Variants in STARD13 observed in about 807,000 individuals in gnomAD.
The protein encoded by STARD13 is stAR-related lipid transfer protein 13.
In STARD13, 62 loss-of-function variants were observed where a neutral mutation model predicts 106.4. That is an observed-to-expected ratio of 0.58 (90% CI 0.48 to 0.72). The LOEUF is 0.72. STARD13 is among the 30% of genes least tolerant of loss of function. The pLI is 0.00. For synonymous variants in STARD13, 565 were observed against 553.0 expected, an observed-to-expected ratio of 1.02 and a Z score of -0.31; for missense variants, 1,387 against 1,424.0, an observed-to-expected ratio of 0.97 and a Z score of 0.42.
At chr13:33,285,860 T>G, upstream of STARD13, 2 of 1,094,486 alleles carry the variant, frequency 1.8e-6, no homozygotes, top group Non-Finnish European at 2.4e-6. Context: ...TGGGAACGTT[T>G]GCAGTCAGCC....
intron 1 of STARD13, among the ~76,000 whole-genome samples, chr13:33,220,336 A>G (rs1888286043): frequency 6.6e-6 from 1 of 152,232 alleles, no homozygotes; most frequent in African/African-American, 2.4e-5. Context: ...CTAGAGAATG[A>G]GTATCAGCTG....
rs187478446 is a variant in STARD13, at chr13:33,195,045, G to C, written c.170-27423C>G. On this transcript the variant is annotated intron_variant, in intron 1 of 13. Coordinates refer to ENST00000336934, the MANE Select transcript of STARD13 (RefSeq NM_178006.4). ...AACTTTTATGAGATTCTAGTGAACT[G>C]TGTTTTATTTATTTTCCTTTGTTCT... Among the ~76,000 whole-genome samples the C allele has an allele frequency of 1.6e-3, 237 of 152,318 alleles. 1 individual carries two copies. Among genetic ancestry groups the C allele is most frequent in the Middle Eastern group, 6.8e-3 (2 of 294 alleles).
intron 1 of STARD13, among the ~76,000 whole-genome samples, chr13:33,213,121 A>C (rs1887820787): frequency 6.6e-6 from 1 of 152,228 alleles, no homozygotes; most frequent in Non-Finnish European, 1.5e-5. Flanking sequence ...AATGAACTGT[A>C]ACAGTAATGC....
At chr13:33,222,946 C>G (rs1888434971) in intron 1 of STARD13, among the ~76,000 whole-genome samples, 1 of 152,214 alleles carries the variant, frequency 6.6e-6, no homozygotes, top group African/African-American at 2.4e-5. Flanking sequence ...TGTTGGACCA[C>G]TGGCCTGTGA....
chr13:33,656,546 A>G, the STARD13 span, among the ~76,000 whole-genome samples: 42 of 152,314 alleles, frequency 2.8e-4, no homozygotes, highest in African/African-American at 9.9e-4. Context: ...CTCGTTCCTC[A>G]TTGGTCATGT....
chr13:33,245,689 T>C (rs1195231824), intron 1 of STARD13, among the ~76,000 whole-genome samples: 2 of 152,222 alleles, frequency 1.3e-5, no homozygotes. Context: ...AGATAAGGTT[T>C]CTTCTTCAAC....
the STARD13 span, among the ~76,000 whole-genome samples, chr13:33,458,660 C>T: frequency 1.3e-5 from 2 of 152,000 alleles, no homozygotes; most frequent in African/African-American, 2.4e-5. Flanking sequence ...CCAGCAATTC[C>T]TGTTGGGAAA....
At chr13:33,645,515 A>T in the STARD13 span, among the ~76,000 whole-genome samples, 1 of 152,216 alleles carries the variant, frequency 6.6e-6, no homozygotes, top group Non-Finnish European at 1.5e-5. Flanking sequence ...GGACTCAAGG[A>T]TATACCACTT....
chr13:33,672,777 C>G, the STARD13 span, among the ~76,000 whole-genome samples: 1 of 152,180 alleles, frequency 6.6e-6, no homozygotes, highest in African/African-American at 2.4e-5. Context: ...CAATTTATCA[C>G]GTTGACCAAT....
chr13:33,376,377 G>A, the STARD13 span, among the ~76,000 whole-genome samples: 2 of 152,170 alleles, frequency 1.3e-5, no homozygotes, highest in East Asian at 1.9e-4. Context: ...GGGTACTTAC[G>A]CATTCTAGAA....
At chr13:33,578,671 A>G in the STARD13 span, among the ~76,000 whole-genome samples, 1 of 152,286 alleles carries the variant, frequency 6.6e-6, no homozygotes, top group African/African-American at 2.4e-5. Flanking sequence ...TAAACTAAAA[A>G]GCTTCTGCAC....
At chr13:33,536,162 A>G in the STARD13 span, among the ~76,000 whole-genome samples, 1 of 152,346 alleles carries the variant, frequency 6.6e-6, no homozygotes, top group South Asian at 2.1e-4. Flanking sequence ...TCAAAGGTGG[A>G]AAATAAAATG....
intron 1 of STARD13, among the ~76,000 whole-genome samples, chr13:33,184,588 C>G (rs1566058693): frequency 6.6e-6 from 1 of 152,308 alleles, no homozygotes; most frequent in African/African-American, 2.4e-5. Flanking sequence ...CTCATTACAT[C>G]TCAAAGCCTC....
intron 3 of STARD13, among the ~76,000 whole-genome samples, chr13:33,154,352 CA>C (rs1881690909): frequency 6.6e-6 from 1 of 152,136 alleles, no homozygotes; most frequent in Non-Finnish European, 1.5e-5. Context: ...CCATAAACCC[CA>C]AAAGAACTGC....
At chr13:33,301,652 C>G (rs1391479087) in intron 1 of STARD13, among the ~76,000 whole-genome samples, 1 of 148,086 alleles carries the variant, frequency 6.8e-6, no homozygotes, top group Non-Finnish European at 1.5e-5. Context: ...ACTGCAAGCT[C>G]AGCCTCCCAG....
chr13:33,456,589 C>A, the STARD13 span, among the ~76,000 whole-genome samples: 2 of 152,182 alleles, frequency 1.3e-5, no homozygotes, highest in African/African-American at 2.4e-5. Context: ...AGATGACCAC[C>A]TTTTTGCTGT....
the STARD13 span, among the ~76,000 whole-genome samples, chr13:33,452,942 C>T: frequency 6.6e-6 from 1 of 152,186 alleles, no homozygotes; most frequent in Non-Finnish European, 1.5e-5. Flanking sequence ...AAGGGTCATT[C>T]TATTACATTC....
intron 1 of STARD13, among the ~76,000 whole-genome samples, chr13:33,302,207 C>G (rs1246128228): frequency 6.6e-6 from 1 of 152,126 alleles, no homozygotes; most frequent in Non-Finnish European, 1.5e-5. Flanking sequence ...TGGCCTGGAA[C>G]TGTACTAAGA....
intron 1 of STARD13, among the ~76,000 whole-genome samples, chr13:33,223,275 C>T (rs1888450468): frequency 6.6e-6 from 1 of 152,202 alleles, no homozygotes; most frequent in Admixed American, 6.5e-5. Context: ...TTTTACACTG[C>T]TGTCATAAAA....
Sources: gnomAD v4.1 joint callset for allele counts (sites outside exome capture counted in the v4.1 genomes callset) on GRCh38, gnomAD v4.1.1 for gene constraint, MANE v1.5 for transcripts, NCBI Gene and HGNC (gene_info 2026-07-23, HGNC 2026-07-21) for gene names.